FLNA: variants seen among roughly 807,000 people sequenced by gnomAD.
The protein encoded by FLNA is filamin A, also known as filamin-A.
In FLNA, 7 loss-of-function variants were observed where a neutral mutation model predicts 157.6. That is an observed-to-expected ratio of 0.04 (90% CI 0.03 to 0.08). The LOEUF is 0.08. Ranked by LOEUF, FLNA falls within the 10% of genes least tolerant of loss-of-function variation. FLNA has a pLI of 1.00. For missense variants in FLNA, 1,750 were observed against 2,398.4 expected (o/e 0.73, Z 5.65); for synonymous variants, 1,103 against 1,060.8 (o/e 1.04, Z -0.77).
chrX:154,371,717 G>C (rs1347293055), intron 1 of FLNA, among the ~76,000 whole-genome samples: 3 of 112,978 alleles, frequency 2.7e-5, no homozygotes, highest in Non-Finnish European at 5.6e-5. Context: ...GGGCCCCTGC[G>C]GGGGGTGGGG....
At chrX:154,360,772 C>T (rs1023964428) in intron 21 of FLNA, among the ~76,000 whole-genome samples, 185 bp from the exon 22 acceptor site, 4 of 111,594 alleles carry the variant, frequency 3.6e-5, no homozygotes, top group Admixed American at 2.8e-4. Context: ...GAGGGCAGGG[C>T]GCGGTCACTC....
intron 47 of FLNA, 100 bp downstream of exon 47, chrX:154,349,252 AAGTGAAAGCC>A (rs1459992312): frequency 2.3e-6 from 2 of 871,370 alleles, no homozygotes; most frequent in Non-Finnish European, 3.4e-6. Context: ...GTGGCTCTAG[AAGTGAAAGCC>A]ACGCCCCAAA....
Position 154,349,575 on chromosome X carries a change from AGAGTG to A in FLNA, c.7553-15_7553-11del. 16 of 1,211,662 alleles carry A rather than the reference AGAGTG, an allele frequency of 1.3e-5. No individual in the cohort carries two copies. The highest frequency in any genetic ancestry group is 1.7e-5 in the Non-Finnish European group (15 of 894,935). On this transcript the variant is annotated splice_polypyrimidine_tract_variant and intron_variant, in intron 46 of 47. Transcript: ENST00000369850. ...CTGACGAGACGGGGGCCTGCAAGGC[AGAGTG>A]GGTGGGGCTAAGAGGTGGCTGTGGT...
rs782192587 is a variant in FLNA, at chrX:154,362,532, G to A, written c.2451C>T (p.Pro817=). The A allele has an allele frequency of 1.5e-5, 18 of 1,211,291 alleles. No individual in the cohort carries two copies. The highest frequency in any genetic ancestry group is 2.3e-4 in the Middle Eastern group (1 of 4,354). ...GIKCAPGVVG[P]AEADIDFDII... ...TGTCGAAGTCGATGTCAGCTTCGGCGGGGCCTACCACTCCAGGGGCACACT... is the reference window on the plus strand; with the variant it reads ...TGTCGAAGTCGATGTCAGCTTCGGCAGGGCCTACCACTCCAGGGGCACACT... Residue 817 remains proline, a synonymous_variant, in exon 17 of 48, where the codon CCC becomes CCT. Coordinates refer to ENST00000369850, the MANE Select transcript of FLNA (RefSeq NM_001110556.2).
rs782344658 is a variant in FLNA, at chrX:154,368,543, G to A, written c.374-453C>T. Among the ~76,000 whole-genome samples, 6 of 112,353 alleles carry A rather than the reference G, an allele frequency of 5.3e-5. No individual in the cohort carries two copies. The East Asian group carries it at 1.7e-3, about 32-fold the overall frequency. Reference sequence around the variant, plus strand: ...TCCAGGGCCCATGACCTGGAGTGGGGCTGGGGCTGAGGAAGAGGAAGGTGG... The same window carrying A: ...TCCAGGGCCCATGACCTGGAGTGGGACTGGGGCTGAGGAAGAGGAAGGTGG... On this transcript the variant is annotated intron_variant, in intron 2 of 47. Transcript: ENST00000369850.
At chrX:154,368,376 C>G (rs782421664) in intron 2 of FLNA, among the ~76,000 whole-genome samples, 1 of 112,185 alleles carries the variant, frequency 8.9e-6, no homozygotes, top group African/African-American at 3.2e-5. Flanking sequence ...AGAGGAAGGG[C>G]AGAGGGCAGA....
chrX:154,367,355 A>C, intron 5 of FLNA, 42 bp downstream of exon 5: 1 of 1,197,366 alleles, frequency 8.4e-7, no homozygotes, highest in South Asian at 1.8e-5. Context: ...CTTATGGGGA[A>C]GACGTTGGCA....
chrX:154,359,426 G>A lies in FLNA; in HGVS notation c.4143-20C>T, dbSNP rs782633956. On this transcript the variant is annotated intron_variant, in intron 24 of 47. Transcript: ENST00000369850. ...GCTCCCCTGGTCCAAACAGACAGCCGGTCATTCCTGGGGTTCCCAGGCCCA... is the reference window on the plus strand; with the variant it reads ...GCTCCCCTGGTCCAAACAGACAGCCAGTCATTCCTGGGGTTCCCAGGCCCA... 8.4e-5 allele frequency: 102 copies of A among 1,210,577 alleles called. No homozygotes were observed. The highest frequency in any genetic ancestry group is 1.0e-4 in the Non-Finnish European group (91 of 895,365).
intron 44 of FLNA, chrX:154,350,418 C>T (rs782674691): frequency 4.1e-5 from 18 of 441,591 alleles, no homozygotes; most frequent in East Asian, 3.3e-4. Flanking sequence ...TGCATTGGGA[C>T]GGAAATCTTT....
chrX:154,368,871 C>T (rs1039266746), intron 2 of FLNA, among the ~76,000 whole-genome samples: 3 of 112,966 alleles, frequency 2.7e-5, no homozygotes, highest in Admixed American at 9.2e-5. Context: ...CCACCCACTG[C>T]CTGACCCACT....
At position 154,355,021 on chromosome X, in the gene FLNA, A is replaced by G. The variant is rs781946233; in HGVS notation, c.5021T>C (p.Val1674Ala). Residue 1674 changes from valine (V) to alanine (A), a missense_variant, in exon 31 of 48, where the codon GTG becomes GCG. By Grantham distance (64) the Val-to-Ala change is moderately conservative. This residue lies in a region of FLNA where 970 missense variants were observed against 1,302.6 expected (regional missense o/e 0.74). Coordinates refer to ENST00000369850, the MANE Select transcript of FLNA (RefSeq NM_001110556.2). ...IQIGEETVIT[V>A]DTKAAGKGKV... ...GCCTTTGCCTGCCGCCTTAGTGTCC[A>G]CAGTGATCACCGTCTCCTCCCCAAT... 4.1e-6 allele frequency: 5 copies of G among 1,210,982 alleles called. No homozygotes were observed. Among genetic ancestry groups the G allele is most frequent in the Non-Finnish European group, 5.6e-6 (5 of 894,706 alleles).
At chrX:154,363,807 G>A (rs187219093) in intron 15 of FLNA, among the ~76,000 whole-genome samples, 31 of 112,306 alleles carry the variant, frequency 2.8e-4, no homozygotes, top group East Asian at 1.1e-3. Context: ...CGTGGTGAGC[G>A]AAAGAAGCCA....
intron 26 of FLNA, 37 bp downstream of exon 26, chrX:154,358,947 C>T: frequency 8.3e-7 from 1 of 1,201,339 alleles, no homozygotes; most frequent in Non-Finnish European, 1.1e-6. Flanking sequence ...AGGACACTGC[C>T]CTCCTGACCC....
chrX:154,363,907 A>C, intron 15 of FLNA, 115 bp downstream of exon 15: 1 of 802,355 alleles, frequency 1.2e-6, no homozygotes, highest in Non-Finnish European at 1.9e-6. Context: ...AGTGGTCACC[A>C]GGAGCTGTGG....
chrX:154,373,097 G>A (rs782306303), intron 1 of FLNA, among the ~76,000 whole-genome samples: 1 of 111,950 alleles, frequency 8.9e-6, no homozygotes, highest in East Asian at 2.8e-4. Flanking sequence ...TGGGGTGGAG[G>A]TGGGAGGGAG....
chrX:154,372,596 G>A (rs1176989954), intron 1 of FLNA, among the ~76,000 whole-genome samples: 1 of 110,871 alleles, frequency 9.0e-6, no homozygotes, highest in Non-Finnish European at 1.9e-5. Flanking sequence ...GGGACCAGGG[G>A]ACGGCTGGGG....
chrX:154,365,422 C>T lies in FLNA; in HGVS notation c.1494G>A (p.Lys498=). Residue 498 remains lysine (K), a synonymous_variant, in exon 10 of 48, where the codon AAG becomes AAA. Transcript: ENST00000369850. The part of the protein sequence containing the change: ...RGLQPKGVRV[K]ETADFKVYTK... ...TGTACACCTTGAAGTCAGCTGTCTC[C>T]TTCACCCGCACACCCTTGGGCTGGA... The T allele has an allele frequency of 8.3e-7, 1 of 1,211,769 alleles. No individual in the cohort carries two copies.
In FLNA at chrX:154,364,518, C is replaced by T. The variant is rs782374708; in HGVS notation, c.2022+8G>A. 1 of 1,206,365 alleles carries T rather than the reference C, an allele frequency of 8.3e-7. No individual in the cohort carries two copies. The highest frequency in any genetic ancestry group is 2.2e-5 in the Admixed American group (1 of 45,591). On this transcript the variant is annotated splice_region_variant and intron_variant, in intron 13 of 47. Coordinates refer to ENST00000369850, the MANE Select transcript of FLNA (RefSeq NM_001110556.2). ...GCGAGACTTAGGCCATCACAGCCTG[C>T]TCTTTACCCTGTCTGGGTGGAAGTC... is the stretch of plus-strand genomic sequence containing the variant.
intron 44 of FLNA, chrX:154,350,687 G>T: frequency 2.3e-6 from 1 of 430,259 alleles, no homozygotes; most frequent in Non-Finnish European, 4.1e-6. Context: ...TCCCTGTGGA[G>T]ATGGCATGGT....
Sources: gnomAD v4.1 joint callset for allele counts (sites outside exome capture counted in the v4.1 genomes callset) on GRCh38, gnomAD v4.1.1 for gene constraint, gnomAD v4.1.1 regional missense constraint, MANE v1.5 for transcripts, NCBI Gene and HGNC (gene_info 2026-07-23, HGNC 2026-07-21) for gene names.